The following KIAA1217 variants were observed in gnomAD, a reference collection of about 807,000 sequenced individuals.
KIAA1217 encodes sickle tail protein homolog.
Under a neutral mutation model 163.9 loss-of-function variants are expected in KIAA1217, and 88 were observed. The ratio of observed to expected loss-of-function variants is 0.54; its 90% CI spans 0.45 to 0.64. KIAA1217 has a LOEUF of 0.64. KIAA1217 is among the 30% of genes least tolerant of loss of function. The probability of loss-of-function intolerance (pLI) is 0.00; values close to 1 mark genes in which losing one functional copy is unlikely to be tolerated. For synonymous variants in KIAA1217, 903 were observed against 923.1 expected, an observed-to-expected ratio of 0.98 and a Z score of 0.39; for missense variants, 2,372 against 2,475.0, an observed-to-expected ratio of 0.96 and a Z score of 0.88.
intron 1 of KIAA1217, among the ~76,000 whole-genome samples, chr10:23,989,468 GC>G: frequency 6.6e-6 from 1 of 152,174 alleles, no homozygotes; most frequent in Admixed American, 6.5e-5. Flanking sequence ...GGGGAACTTA[GC>G]AAGGCCTGTG....
At position 24,473,883 on chromosome 10, in the gene KIAA1217, C is replaced by T; in HGVS notation, c.1502C>T (p.Pro501Leu). Residue 501 changes from proline to leucine, a missense_variant, in exon 6 of 21, where the codon CCA becomes CTA. Around this residue, in one of 3 missense-constraint regions of KIAA1217, gnomAD observed 1,431 missense variants for 1,470.3 expected, o/e 0.97. Transcript: ENST00000376454. ...NAHGPPHTMQ[P>L]DRASPSRQAF... is the part of the protein sequence containing the mutation. ...CACGGCCCCCCTCACACCATGCAGC[C>T]AGACCGGGCCTCTCCGAGCCGCCAG... is the stretch of plus-strand genomic sequence containing the variant. 1 of 1,614,142 alleles carries T rather than the reference C, an allele frequency of 6.2e-7. No individual in the cohort carries two copies. Among genetic ancestry groups the T allele is most frequent in the Non-Finnish European group, 8.5e-7 (1 of 1,180,024 alleles).
At chr10:24,327,919 G>A (rs565818495) in intron 2 of KIAA1217, among the ~76,000 whole-genome samples, 131 of 152,228 alleles carry the variant, frequency 8.6e-4, no homozygotes, top group African/African-American at 2.8e-3. Context: ...CTCCAGGCCC[G>A]GGATTCTGGG....
intron 2 of KIAA1217, among the ~76,000 whole-genome samples, chr10:24,065,649 C>T (rs1388003593): frequency 6.6e-6 from 1 of 152,170 alleles, no homozygotes; most frequent in Non-Finnish European, 1.5e-5. Context: ...CTGTAGATGT[C>T]TATTAGGTCT....
At chr10:24,508,316 A>G (rs1280786496) in intron 9 of KIAA1217, among the ~76,000 whole-genome samples, 3 of 152,214 alleles carry the variant, frequency 2.0e-5, no homozygotes, top group East Asian at 1.9e-4. Context: ...TGATAAAAAC[A>G]GCGCTCTAGA....
At chr10:23,913,476 C>A (rs1842518893) in intron 1 of KIAA1217, among the ~76,000 whole-genome samples, 1 of 151,124 alleles carries the variant, frequency 6.6e-6, no homozygotes, top group Admixed American at 6.6e-5. Flanking sequence ...CCACAACTTG[C>A]CTTATTAACG....
chr10:24,514,961 C>T (rs891732711), intron 10 of KIAA1217, among the ~76,000 whole-genome samples: 1 of 151,840 alleles, frequency 6.6e-6, no homozygotes, highest in Non-Finnish European at 1.5e-5. Context: ...CACTGCACTC[C>T]AGCCTGGGCA....
intron 2 of KIAA1217, among the ~76,000 whole-genome samples, chr10:24,096,505 C>T (rs919933298): frequency 3.9e-5 from 6 of 152,176 alleles, no homozygotes; most frequent in African/African-American, 1.4e-4. Flanking sequence ...TTTAGGCCTG[C>T]TGTGATTTCC....
chr10:24,299,159 C>T (rs1309667424), intron 2 of KIAA1217, among the ~76,000 whole-genome samples: 1 of 152,156 alleles, frequency 6.6e-6, no homozygotes, highest in Non-Finnish European at 1.5e-5. Context: ...ATCTTACTGG[C>T]TTTTAGAGAA....
intron 1 of KIAA1217, among the ~76,000 whole-genome samples, chr10:23,944,678 C>A (rs1408793255): frequency 6.6e-6 from 1 of 152,066 alleles, no homozygotes; most frequent in Non-Finnish European, 1.5e-5. Context: ...TTAACAACAC[C>A]AACTATAGGT....
At chr10:24,204,870 C>G (rs1474462706), upstream of KIAA1217, among the ~76,000 whole-genome samples, 1 of 152,190 alleles carries the variant, frequency 6.6e-6, no homozygotes, top group Non-Finnish European at 1.5e-5. Context: ...AGCAGCCTGT[C>G]TTTTAGAAAC....
chr10:23,854,467 G>A (rs1748601720), intron 1 of KIAA1217, among the ~76,000 whole-genome samples: 1 of 152,080 alleles, frequency 6.6e-6, no homozygotes, highest in African/African-American at 2.4e-5. Context: ...GTGTGGTGTG[G>A]TGCTGAAAAA....
chr10:24,407,384 CCTGGGTTCAA>C (rs2057338450), intron 3 of KIAA1217, among the ~76,000 whole-genome samples: 3 of 152,068 alleles, frequency 2.0e-5, no homozygotes, highest in Admixed American at 1.3e-4. Context: ...GCTTCAAAAT[CCTGGGTTCAA>C]GCAATCCTCC....
At chr10:23,934,625 A>ATATATATTTT (rs1554826424) in intron 1 of KIAA1217, among the ~76,000 whole-genome samples, 4 of 68,548 alleles carry the variant, frequency 5.8e-5, no homozygotes, top group African/African-American at 9.2e-5. Flanking sequence ...ATATATATAT[A>ATATATATTTT]TTTTTTTTTT....
rs1311199817 is a variant in KIAA1217, at chr10:24,111,522, G to GA, written c.-171+104154dup. On this transcript the variant is annotated intron_variant, in intron 2 of 18. Coordinates refer to the KIAA1217 transcript ENST00000376462. ...TAAGGAATTAGATCTCATTGAACTA[G>GA]AAAAAACTATCTAAAATAGCTTAAA... Among the ~76,000 whole-genome samples, 8 of 152,268 alleles carry GA rather than the reference G, an allele frequency of 5.3e-5. No individual in the cohort carries two copies. The South Asian group carries it at 1.5e-3, about 28-fold the overall frequency.
chr10:24,035,699 A>G (rs1848367559), intron 2 of KIAA1217, among the ~76,000 whole-genome samples: 1 of 152,190 alleles, frequency 6.6e-6, no homozygotes, highest in Non-Finnish European at 1.5e-5. Flanking sequence ...CATGATCTCT[A>G]TTTCCATGTT....
At chr10:24,146,028 A>G (rs2064294359) in intron 2 of KIAA1217, among the ~76,000 whole-genome samples, 1 of 152,194 alleles carries the variant, frequency 6.6e-6, no homozygotes, top group Admixed American at 6.5e-5. Flanking sequence ...AATCCAATCA[A>G]GTTGACACTC....
intron 1 of KIAA1217, among the ~76,000 whole-genome samples, chr10:23,787,717 T>C (rs1835557121): frequency 6.6e-6 from 1 of 152,200 alleles, no homozygotes; most frequent in African/African-American, 2.4e-5. Context: ...GCATATTTTA[T>C]GAGAAACAGC....
intron 1 of KIAA1217, among the ~76,000 whole-genome samples, chr10:23,830,044 C>T (rs1468939293): frequency 6.6e-6 from 1 of 152,100 alleles, no homozygotes; most frequent in Non-Finnish European, 1.5e-5. Context: ...TGCTATTTTG[C>T]CAACAACATT....
At chr10:24,019,360 C>T (rs1458154279) in intron 2 of KIAA1217, among the ~76,000 whole-genome samples, 1 of 151,092 alleles carries the variant, frequency 6.6e-6, no homozygotes, top group Non-Finnish European at 1.5e-5. Context: ...TGAGACCTAA[C>T]TCTCAATAAA....
Sources: gnomAD v4.1 joint callset for allele counts (sites outside exome capture counted in the v4.1 genomes callset) on GRCh38, gnomAD v4.1.1 for gene constraint, gnomAD v4.1.1 regional missense constraint, MANE v1.5 for transcripts, NCBI Gene and HGNC (gene_info 2026-07-23, HGNC 2026-07-21) for gene names.